The following FAAH2 variants were observed in gnomAD, a reference collection of about 807,000 sequenced individuals.
FAAH2 encodes fatty acid amide hydrolase 2.
Under a neutral mutation model 36.9 loss-of-function variants are expected in FAAH2, and 60 were observed. The ratio of observed to expected loss-of-function variants is 1.63; its 90% CI spans 1.32 to 2.02. The LOEUF (loss-of-function observed/expected upper bound fraction) is 2.02. FAAH2 is among the 30% of genes most tolerant of loss of function. The pLI, the probability that FAAH2 is intolerant of heterozygous loss-of-function variation, is 0.00. For synonymous variants in FAAH2, 214 were observed against 143.8 expected (o/e 1.49, Z -3.49); for missense variants, 689 against 397.5 (o/e 1.73, Z -6.23).
the FAAH2 span, among the ~76,000 whole-genome samples, chrX:57,248,753 CAAAAAAAA>C: frequency 2.1e-4 from 3 of 14,497 alleles, no homozygotes; most frequent in African/African-American, 4.6e-4. Context: ...AGCTCCGTCT[CAAAAAAAA>C]AAAAAAAAAA....
chrX:57,186,188 C>T, the FAAH2 span, among the ~76,000 whole-genome samples: 1 of 112,085 alleles, frequency 8.9e-6, no homozygotes, highest in South Asian at 3.7e-4. Flanking sequence ...CTCCCACAAA[C>T]AGTGTAAAAG....
At chrX:57,159,499 A>G in the FAAH2 span, among the ~76,000 whole-genome samples, 1 of 110,459 alleles carries the variant, frequency 9.1e-6, no homozygotes, top group Non-Finnish European at 1.9e-5. Flanking sequence ...ATTTGTTTGT[A>G]TCCTCTTTTA....
intron 10 of FAAH2, among the ~76,000 whole-genome samples, chrX:57,482,089 C>G (rs2057390570): frequency 1.8e-5 from 2 of 111,544 alleles, no homozygotes; most frequent in Non-Finnish European, 3.8e-5. Context: ...CCCCTCCCCC[C>G]ACCAAGCTCA....
chrX:57,278,572 T>C, the FAAH2 span, among the ~76,000 whole-genome samples: 1 of 110,496 alleles, frequency 9.1e-6, no homozygotes, highest in African/African-American at 3.3e-5. Context: ...AAGCCAAAAT[T>C]GACAAATTGC....
intron 7 of FAAH2, among the ~76,000 whole-genome samples, chrX:57,385,094 C>A (rs781241003): frequency 9.1e-6 from 1 of 109,455 alleles, no homozygotes; most frequent in South Asian, 4.0e-4. Flanking sequence ...AATACTTGGA[C>A]ACAGGAAGGG....
At chrX:57,257,728 C>G in the FAAH2 span, among the ~76,000 whole-genome samples, 2 of 110,555 alleles carry the variant, frequency 1.8e-5, no homozygotes, top group South Asian at 7.8e-4. Context: ...TTTGTAATGG[C>G]ACCAATAAGA....
the FAAH2 span, among the ~76,000 whole-genome samples, chrX:57,279,197 C>T: frequency 8.9e-6 from 1 of 112,362 alleles, no homozygotes; most frequent in Admixed American, 9.4e-5. Flanking sequence ...AGACTTGGAA[C>T]CAACCAAAAT....
At chrX:57,246,318 C>A in the FAAH2 span, among the ~76,000 whole-genome samples, 1 of 111,800 alleles carries the variant, frequency 8.9e-6, no homozygotes, top group East Asian at 2.8e-4. Context: ...TGGTAGCATT[C>A]CTTCTGAAAC....
At position 57,431,998 on chromosome X, in the gene FAAH2, G is replaced by C. The variant is rs1218147892; in HGVS notation, c.1077G>C (p.Leu359Phe). Residue 359 changes from leucine to phenylalanine, a missense_variant, in exon 8 of 11, where the codon TTG becomes TTC. Leu to Phe is a conservative substitution (Grantham distance 22). Transcript: ENST00000374900. ...AGAAAATGAAGTACTCTTTTCAGTT[G>C]TGGATCGCAATGATGTCAGCAAAGG... Reference protein sequence around the residue: ...KLKKMKYSFQLWIAMMSAKGH... With the variant: ...KLKKMKYSFQFWIAMMSAKGH... 3.3e-6 allele frequency: 4 copies of C among 1,207,092 alleles called. No individual in the cohort carries two copies. The highest frequency in any genetic ancestry group is 5.9e-5 in the East Asian group (2 of 33,713).
In FAAH2 at chrX:57,292,448, G is replaced by T. The variant is rs763787926; in HGVS notation, c.193-50G>T. ...GTCTTTCAGGAAATACTTGTTGAAT[G>T]AATTGTTTAGTGAATAAATGGCTGC... On this transcript the variant is annotated intron_variant, in intron 1 of 10. Transcript: ENST00000374900. 4.4e-5 allele frequency: 47 copies of T among 1,062,694 alleles called. No homozygotes were observed. The East Asian group carries it at 1.3e-3, about 29-fold the overall frequency. 87.6% of individuals were successfully genotyped at this position (1,062,694 alleles called of 1,213,427 possible). A position where few individuals can be genotyped will look rare whatever the true frequency, so the allele number is the denominator to read the frequency against.
At chrX:57,123,823 A>G in the FAAH2 span, among the ~76,000 whole-genome samples, 3 of 111,889 alleles carry the variant, frequency 2.7e-5, no homozygotes, top group African/African-American at 6.5e-5. Context: ...GTCTGTTCAT[A>G]TCCTTTGCCC....
chrX:57,485,151 C>A (rs756335586), intron 10 of FAAH2, among the ~76,000 whole-genome samples: 1 of 111,991 alleles, frequency 8.9e-6, no homozygotes, highest in Non-Finnish European at 1.9e-5. Context: ...AGCTGTGAGG[C>A]ACGTGTTACA....
chrX:57,429,767 A>G (rs1276978660), intron 7 of FAAH2, among the ~76,000 whole-genome samples: 3 of 112,151 alleles, frequency 2.7e-5, no homozygotes, highest in Non-Finnish European at 5.6e-5. Context: ...GAAAAGATAT[A>G]GAATCAACTA....
intron 2 of FAAH2, among the ~76,000 whole-genome samples, chrX:57,296,267 G>A (rs4329400): frequency 0.016 from 1,824 of 111,023 alleles, 81 homozygotes; most frequent in East Asian, 0.12. Context: ...CCAGAGGAAC[G>A]ATCAGGCAGC....
chrX:57,420,122 C>A (rs1310857329), intron 7 of FAAH2, among the ~76,000 whole-genome samples: 1 of 111,593 alleles, frequency 9.0e-6, no homozygotes, highest in South Asian at 3.7e-4. Flanking sequence ...GTTACTGTAG[C>A]CTTGTAGTGT....
At chrX:57,394,604 G>T in intron 7 of FAAH2, 1 of 1,159,627 alleles carries the variant, frequency 8.6e-7, no homozygotes, top group Non-Finnish European at 1.2e-6. Flanking sequence ...CATGAGCATT[G>T]CAACCGTCAT....
At chrX:57,310,256 G>A (rs1036178397) in intron 2 of FAAH2, among the ~76,000 whole-genome samples, 9 of 111,480 alleles carry the variant, frequency 8.1e-5, no homozygotes, top group African/African-American at 2.3e-4. Context: ...TGGCCTTTAC[G>A]CAACACCACG....
chrX:57,159,018 G>C, the FAAH2 span, among the ~76,000 whole-genome samples: 2 of 112,159 alleles, frequency 1.8e-5, no homozygotes, highest in South Asian at 3.7e-4. Flanking sequence ...ATTAATTTTC[G>C]TATAAGGTGT....
At chrX:57,237,084 T>C in the FAAH2 span, among the ~76,000 whole-genome samples, 6 of 111,717 alleles carry the variant, frequency 5.4e-5, no homozygotes, top group African/African-American at 1.9e-4. Flanking sequence ...GGATATCCAG[T>C]TTTTCCAGCA....
Sources: gnomAD v4.1 joint callset for allele counts (sites outside exome capture counted in the v4.1 genomes callset) on GRCh38, gnomAD v4.1.1 for gene constraint, MANE v1.5 for transcripts, NCBI Gene and HGNC (gene_info 2026-07-23, HGNC 2026-07-21) for gene names.